The following KIF6 variants were observed in gnomAD, a reference collection of about 807,000 sequenced individuals.
KIF6 encodes the protein kinesin family member 6.
KIF6 carries 106 observed loss-of-function variants against 112.7 expected under a neutral mutation model. The ratio of observed to expected loss-of-function variants is 0.94; its 90% CI spans 0.80 to 1.11. The LOEUF (loss-of-function observed/expected upper bound fraction) is 1.11. Ranked by LOEUF, KIF6 falls within the 50% of genes least tolerant of loss-of-function variation. The pLI, the probability that KIF6 is intolerant of heterozygous loss-of-function variation, is 0.00. For missense variants in KIF6, 929 were observed against 964.0 expected, an observed-to-expected ratio of 0.96 and a Z score of 0.48; for synonymous variants, 339 against 339.9, an observed-to-expected ratio of 1.00 and a Z score of 0.03.
rs1443982685 is a variant in KIF6 at position 39,342,594 on chromosome 6, G to GTTTTTTTTTTTT, written c.2428+1114_2428+1115insAAAAAAAAAAAA. Among the ~76,000 whole-genome samples the GTTTTTTTTTTTT allele has an allele frequency of 2.4e-5, 3 of 124,308 alleles. 1 individual carries two copies. Among genetic ancestry groups the GTTTTTTTTTTTT allele is most frequent in the Admixed American group, 1.5e-4 (2 of 13,660 alleles). The allele number at this position is 124,308 out of a possible 152,430, so 81.6% of individuals were successfully genotyped here. ...GGGGACTTGGAGATCACTGAATCCA[G>GTTTTTTTTTTTT]TTTTTTATTTTTTTTTATTTTTTTT... On this transcript the variant is annotated intron_variant, in intron 22 of 22. Transcript: ENST00000287152. The surrounding 1 kb of genome is among the most constrained non-coding windows in gnomAD (Gnocchi z 4.7).
In KIF6 at chr6:39,330,602, A is replaced by G. The variant is rs892621882; in HGVS notation, c.*5930T>C. The G allele has an allele frequency of 1.3e-5, 2 of 152,260 alleles. No homozygotes were observed. The highest frequency in any genetic ancestry group is 2.9e-5 in the Non-Finnish European group (2 of 68,052). 9.4% of individuals were successfully genotyped at this position (152,260 alleles called of 1,614,324 possible). On this transcript the variant is annotated 3_prime_UTR_variant, in exon 23 of 23. Transcript: ENST00000287152. ...CCCTCCTGAGATCAGGAGCTGAGTGAATGGAGAGGGAAGAGTACCAGCTGG... is the reference window on the plus strand; with the variant it reads ...CCCTCCTGAGATCAGGAGCTGAGTGGATGGAGAGGGAAGAGTACCAGCTGG...
At chr6:39,442,348 C>T (rs1771967773) in intron 13 of KIF6, among the ~76,000 whole-genome samples, 1 of 152,198 alleles carries the variant, frequency 6.6e-6, no homozygotes, top group Non-Finnish European at 1.5e-5. Flanking sequence ...TAACAAAAGA[C>T]ATCTAAACAG....
At chr6:39,679,793 T>G (rs1033367819) in intron 3 of KIF6, among the ~76,000 whole-genome samples, 21 of 151,132 alleles carry the variant, frequency 1.4e-4, no homozygotes, top group African/African-American at 4.9e-4. Flanking sequence ...TTTTTTGTAT[T>G]TTTTTAGTAG....
intron 3 of KIF6, among the ~76,000 whole-genome samples, chr6:39,698,971 G>A (rs1286884253): frequency 6.6e-6 from 1 of 152,192 alleles, no homozygotes; most frequent in African/African-American, 2.4e-5. Flanking sequence ...ACACCTTGCA[G>A]TTATGTGAAT....
At chr6:39,575,214 G>A (rs1281897115) in intron 10 of KIF6, among the ~76,000 whole-genome samples, 10 of 151,878 alleles carry the variant, frequency 6.6e-5, no homozygotes, top group African/African-American at 2.2e-4. Context: ...CTCAGCTTGA[G>A]CAGCTTGTCT....
chr6:39,489,289 G>A (rs1775318861), intron 13 of KIF6, among the ~76,000 whole-genome samples: 1 of 151,910 alleles, frequency 6.6e-6, no homozygotes, highest in Non-Finnish European at 1.5e-5. Context: ...TCCAAATTTT[G>A]TTTTTGGTCT....
At chr6:39,692,120 G>A (rs1464992006) in intron 3 of KIF6, among the ~76,000 whole-genome samples, 2 of 152,200 alleles carry the variant, frequency 1.3e-5, no homozygotes, top group Non-Finnish European at 2.9e-5. Context: ...CTGCACTGCA[G>A]CCTGGCAACA....
At chr6:39,549,430 C>T (rs1207382831) in intron 10 of KIF6, among the ~76,000 whole-genome samples, 1 of 151,952 alleles carries the variant, frequency 6.6e-6, no homozygotes, top group Non-Finnish European at 1.5e-5. Context: ...TATTATTATC[C>T]CCATGTCATA....
intron 6 of KIF6, among the ~76,000 whole-genome samples, chr6:39,608,239 TG>T (rs1451445052): frequency 6.6e-6 from 1 of 152,190 alleles, no homozygotes; most frequent in East Asian, 1.9e-4. Flanking sequence ...GTTTATGACA[TG>T]GGGTTATGTT....
At chr6:39,374,495 C>G (rs115633417) in intron 16 of KIF6, among the ~76,000 whole-genome samples, 10 of 152,008 alleles carry the variant, frequency 6.6e-5, no homozygotes, top group African/African-American at 2.4e-4. Context: ...GGTTTATATT[C>G]AAAATATATA....
chr6:39,398,270 A>G (rs1349566404), intron 15 of KIF6, among the ~76,000 whole-genome samples: 1 of 152,206 alleles, frequency 6.6e-6, no homozygotes, highest in African/African-American at 2.4e-5. Context: ...GGACAGGTGG[A>G]TAACTGTTTC....
At chr6:39,720,521 T>C (rs1165983641) in intron 2 of KIF6, among the ~76,000 whole-genome samples, 181 bp downstream of exon 2, 3 of 152,102 alleles carry the variant, frequency 2.0e-5, no homozygotes, top group African/African-American at 7.2e-5. Context: ...ATACACATTA[T>C]TTTTGACCTT....
rs151267320 is a variant in KIF6, at chr6:39,426,525, G to A, written c.1754+4528C>T. On this transcript the variant is annotated intron_variant, in intron 14 of 22. Coordinates refer to ENST00000287152, the MANE Select transcript of KIF6 (RefSeq NM_145027.6). ...AGTACTTTGGAAGGCCCAGGGAGGG[G>A]GGAGGATCATTTGAGCCCAGGAGTT... is the stretch of plus-strand genomic sequence containing the variant. 2.0e-3 allele frequency among the ~76,000 whole-genome samples: 307 copies of A among 152,292 alleles called. 1 individual carries two copies. The highest frequency in any genetic ancestry group is 7.0e-3 in the African/African-American group (289 of 41,574).
chr6:39,657,363 G>A (rs1785860907), intron 3 of KIF6, among the ~76,000 whole-genome samples: 1 of 152,154 alleles, frequency 6.6e-6, no homozygotes, highest in Non-Finnish European at 1.5e-5. Flanking sequence ...AATGAAGGAA[G>A]AGAAGTGTAG....
chr6:39,709,405 A>G (rs1372154814), intron 3 of KIF6, among the ~76,000 whole-genome samples: 1 of 152,178 alleles, frequency 6.6e-6, no homozygotes, highest in African/African-American at 2.4e-5. Context: ...ACAGTTCACA[A>G]TAGGGTTTGT....
chr6:39,395,943 T>A (rs959887674), intron 15 of KIF6, among the ~76,000 whole-genome samples: 1 of 152,204 alleles, frequency 6.6e-6, no homozygotes, highest in African/African-American at 2.4e-5. Flanking sequence ...CATGGCTCTT[T>A]GATATAAATA....
chr6:39,343,788 G>T lies in KIF6; in HGVS notation c.2349C>A (p.Ile783=), dbSNP rs760163260. Residue 783 remains isoleucine (I), a synonymous_variant, in exon 22 of 23, where the codon ATC becomes ATA. Coordinates refer to ENST00000287152, the MANE Select transcript of KIF6 (RefSeq NM_145027.6). This position sits in a 1 kb window ranked among gnomAD's most constrained non-coding sequence, Gnocchi z 4.1. The part of the protein sequence containing the change: ...DSIPKRPVSS[I]PLTGDSQTDS... ...CCGTCTGGCTGTCTCCGGTGAGAGG[G>T]ATGGACGACACTGGCCTCTTGGGGA... The T allele has an allele frequency of 6.2e-7, 1 of 1,612,476 alleles. No homozygotes were observed. Among genetic ancestry groups the T allele is most frequent in the Non-Finnish European group, 8.5e-7 (1 of 1,179,276 alleles).
intron 15 of KIF6, 80 bp from the exon 16 acceptor site, chr6:39,385,752 T>TAC: frequency 5.7e-5 from 29 of 511,488 alleles, no homozygotes; most frequent in East Asian, 4.7e-4. Context: ...TGTGGCAAGC[T>TAC]ACAGAAAAAA....
rs928046812 is a variant in KIF6 at position 39,336,349 on chromosome 6, C to T, written c.*183G>A. On this transcript the variant is annotated 3_prime_UTR_variant, in exon 23 of 23. Coordinates refer to ENST00000287152, the MANE Select transcript of KIF6 (RefSeq NM_145027.6). The stretch of plus-strand genomic sequence containing the variant: ...ATGTTGTGGTCAGCCCCAGCCCCAG[C>T]CTCTCGGTGGCCTCCAGGTCAGCAT... 4.0e-5 allele frequency: 25 copies of T among 620,016 alleles called. No homozygotes were observed. The East Asian group carries it at 7.0e-4, about 17-fold the overall frequency. The allele number at this position is 620,016 out of a possible 1,614,324, so 38.4% of individuals were successfully genotyped here.
Sources: gnomAD v4.1 joint callset for allele counts (sites outside exome capture counted in the v4.1 genomes callset) on GRCh38, gnomAD v4.1.1 for gene constraint, Gnocchi (gnomAD v3.1) non-coding constraint, MANE v1.5 for transcripts, NCBI Gene and HGNC (gene_info 2026-07-23, HGNC 2026-07-21) for gene names.